LRRTM4: variants seen among roughly 807,000 people sequenced by gnomAD.
LRRTM4 encodes the protein leucine-rich repeat transmembrane neuronal protein 4.
LRRTM4 carries 25 observed loss-of-function variants against 47.6 expected under a neutral mutation model. The ratio of observed to expected loss-of-function variants is 0.53; its 90% confidence interval spans 0.38 to 0.73. The LOEUF (loss-of-function observed/expected upper bound fraction) is 0.73, where lower values mean the gene tolerates loss of function less well. Ranked by LOEUF, LRRTM4 falls within the 30% of genes least tolerant of loss-of-function variation. The probability of loss-of-function intolerance (pLI) is 0.00; values close to 1 mark genes in which losing one functional copy is unlikely to be tolerated. For synonymous variants in LRRTM4, 311 were observed against 269.5 expected (o/e 1.15, Z -1.51); for missense variants, 638 against 713.4 (o/e 0.89, Z 1.20).
intron 3 of LRRTM4, among the ~76,000 whole-genome samples, chr2:77,334,954 AT>A (rs1382961576): frequency 2.0e-5 from 3 of 152,212 alleles, no homozygotes; most frequent in Admixed American, 6.5e-5. Context: ...TATGATAGAC[AT>A]TTAGTAAATG....
intron 3 of LRRTM4, among the ~76,000 whole-genome samples, chr2:76,857,966 C>A (rs562633675): frequency 1.3e-5 from 2 of 152,088 alleles, no homozygotes; most frequent in African/African-American, 4.8e-5. Flanking sequence ...CAGCCTCAGG[C>A]AATTCTTGTC....
chr2:77,518,560 C>A lies in LRRTM4; in HGVS notation c.1309G>T (p.Ala437Ser). The A allele has an allele frequency of 6.2e-7, 1 of 1,613,320 alleles. No homozygotes were observed. Among genetic ancestry groups the A allele is most frequent in the Non-Finnish European group, 8.5e-7 (1 of 1,179,586 alleles). The change falls in exon 3 of 4, where the codon GCC becomes TCC. Residue 437 changes from alanine (A) to serine (S), a missense_variant. Physicochemically the swap from Ala to Ser is moderately conservative, Grantham distance 99. Coordinates refer to ENST00000409884, the MANE Select transcript of LRRTM4 (RefSeq NM_001134745.3). ...ACATAGATCACCAAGAGGATCATGG[C>A]CACTGAGAGAAAGAGAGCCACACTC... ...AGSVALFLSV[A>S]MILLVIYVSW...
intron 3 of LRRTM4, among the ~76,000 whole-genome samples, chr2:77,293,373 C>T (rs547703350): frequency 6.6e-6 from 1 of 152,192 alleles, no homozygotes; most frequent in African/African-American, 2.4e-5. Flanking sequence ...CAAGACAGGG[C>T]TCAACCCATT....
intron 3 of LRRTM4, among the ~76,000 whole-genome samples, chr2:77,017,969 A>C (rs1486804289): frequency 6.6e-6 from 1 of 151,834 alleles, no homozygotes; most frequent in Non-Finnish European, 1.5e-5. Context: ...ATAATACTTA[A>C]ATATATTTTA....
intron 3 of LRRTM4, among the ~76,000 whole-genome samples, chr2:76,773,551 G>C (rs1673808113): frequency 6.6e-6 from 1 of 151,908 alleles, no homozygotes; most frequent in South Asian, 2.1e-4. Context: ...TATCATTCTA[G>C]AAGTTGAATT....
intron 3 of LRRTM4, among the ~76,000 whole-genome samples, chr2:77,120,403 GA>G (rs1413923513): frequency 6.6e-6 from 1 of 151,784 alleles, no homozygotes; most frequent in Non-Finnish European, 1.5e-5. Flanking sequence ...AAATTGAGAT[GA>G]AGGGTGATAG....
chr2:77,369,512 G>A (rs1672582793), intron 3 of LRRTM4, among the ~76,000 whole-genome samples: 1 of 151,704 alleles, frequency 6.6e-6, no homozygotes, highest in Admixed American at 6.6e-5. Flanking sequence ...TTGCATTCGG[G>A]ATTTTCGCTA....
chr2:77,286,951 T>C (rs1437607568), intron 3 of LRRTM4, among the ~76,000 whole-genome samples: 4 of 152,124 alleles, frequency 2.6e-5, no homozygotes, highest in Non-Finnish European at 2.9e-5. Context: ...TATGCTTCTC[T>C]TTCCTTCTTC....
chr2:76,857,611 TTATAGTC>T (rs1672193617), intron 3 of LRRTM4, among the ~76,000 whole-genome samples: 1 of 152,090 alleles, frequency 6.6e-6, no homozygotes, highest in South Asian at 2.1e-4. Context: ...TAACACAGCA[TTATAGTC>T]TTTCGTATTT....
intron 3 of LRRTM4, among the ~76,000 whole-genome samples, chr2:77,246,431 G>A (rs1369750988): frequency 2.0e-5 from 3 of 152,074 alleles, no homozygotes; most frequent in African/African-American, 7.2e-5. Context: ...TTGTGCATCT[G>A]TGCTGTTCAA....
chr2:77,176,617 T>A (rs1046631376), intron 3 of LRRTM4, among the ~76,000 whole-genome samples: 4 of 152,168 alleles, frequency 2.6e-5, no homozygotes, highest in African/African-American at 9.7e-5. Flanking sequence ...AACAAACAAT[T>A]TAGATCATTT....
At chr2:77,029,083 T>TTA (rs915147777) in intron 3 of LRRTM4, among the ~76,000 whole-genome samples, 10 of 145,554 alleles carry the variant, frequency 6.9e-5, no homozygotes, top group African/African-American at 1.8e-4. Flanking sequence ...TATATATATA[T>TTA]TATATATATA....
chr2:76,810,187 C>T (rs552375169), intron 3 of LRRTM4, among the ~76,000 whole-genome samples: 1 of 152,318 alleles, frequency 6.6e-6, no homozygotes, highest in East Asian at 1.9e-4. Context: ...CACTCACTAA[C>T]TGATGAACAA....
chr2:77,422,890 A>G (rs1674957361), intron 3 of LRRTM4, among the ~76,000 whole-genome samples: 1 of 152,090 alleles, frequency 6.6e-6, no homozygotes, highest in Non-Finnish European at 1.5e-5. Flanking sequence ...TGGCATAATA[A>G]AAGTTTTTAA....
At chr2:77,386,536 A>T (rs138530879) in intron 3 of LRRTM4, among the ~76,000 whole-genome samples, 2 of 152,298 alleles carry the variant, frequency 1.3e-5, no homozygotes, top group African/African-American at 4.8e-5. Flanking sequence ...GTTGGCTTTA[A>T]GTCTTTGCTA....
chr2:77,459,186 T>C (rs1212509484), intron 3 of LRRTM4, among the ~76,000 whole-genome samples: 1 of 152,150 alleles, frequency 6.6e-6, no homozygotes, highest in Non-Finnish European at 1.5e-5. Context: ...ATTTATCTCC[T>C]CAAAAATTGG....
chr2:77,044,071 A>G (rs1355602357), intron 3 of LRRTM4, among the ~76,000 whole-genome samples: 1 of 151,682 alleles, frequency 6.6e-6, no homozygotes, highest in Non-Finnish European at 1.5e-5. Context: ...ATAAAAATAA[A>G]TAAAGACAAA....
At chr2:76,788,876 A>AGTTTCCAAAATGATTTCTGGATG (rs1674822337) in intron 3 of LRRTM4, among the ~76,000 whole-genome samples, 1 of 152,184 alleles carries the variant, frequency 6.6e-6, no homozygotes, top group Non-Finnish European at 1.5e-5. Context: ...TGGGGTTTAT[A>AGTTTCCAAAATGATTTCTGGATG]GTTTCCAAAA....
intron 3 of LRRTM4, among the ~76,000 whole-genome samples, chr2:77,259,083 A>C (rs978885763): frequency 6.6e-6 from 1 of 150,696 alleles, no homozygotes; most frequent in Non-Finnish European, 1.5e-5. Context: ...ATTTGACACT[A>C]ATCAGAATGC....
Sources: allele counts gnomAD v4.1 joint callset (sites outside exome capture counted in the v4.1 genomes callset), GRCh38; gene constraint gnomAD v4.1.1; transcripts MANE v1.5; gene names NCBI Gene and HGNC (gene_info 2026-07-23, HGNC 2026-07-21).